COX10: variants seen among roughly 807,000 people sequenced by gnomAD.
COX10 encodes cytochrome c oxidase assembly factor heme A:farnesyltransferase COX10, also known as protoheme IX farnesyltransferase, mitochondrial.
COX10 carries 27 observed loss-of-function variants against 37.3 expected under a neutral mutation model. That is an observed-to-expected ratio of 0.72 (90% CI 0.53 to 1.00). COX10 has a LOEUF of 1.00. COX10 is among the 50% of genes least tolerant of loss of function. The pLI is 0.00. For missense variants in COX10, 475 were observed against 563.2 expected (o/e 0.84, Z 1.59); for synonymous variants, 222 against 229.1 (o/e 0.97, Z 0.28).
chr17:14,160,586 T>C (rs1233609207), intron 5 of COX10, among the ~76,000 whole-genome samples: 1 of 152,228 alleles, frequency 6.6e-6, no homozygotes, highest in Non-Finnish European at 1.5e-5. Flanking sequence ...GGATTCTTTC[T>C]TCACGTTTCC....
intron 2 of COX10, among the ~76,000 whole-genome samples, chr17:14,075,807 G>A (rs1023697741): frequency 1.3e-5 from 2 of 151,560 alleles, no homozygotes; most frequent in African/African-American, 4.8e-5. Flanking sequence ...TGGCTAACAC[G>A]GTGAAACCCT....
chr17:14,141,529 C>CAAAAAA (rs71147842), intron 4 of COX10, among the ~76,000 whole-genome samples: 24 of 67,492 alleles, frequency 3.6e-4, no homozygotes, highest in South Asian at 7.0e-4. Flanking sequence ...GTCCCTGTCT[C>CAAAAAA]AAAAAAAAAA....
intron 4 of COX10, among the ~76,000 whole-genome samples, chr17:14,126,214 A>C (rs1367083890): frequency 6.6e-6 from 1 of 152,078 alleles, no homozygotes; most frequent in Non-Finnish European, 1.5e-5. Context: ...TCTTTATTTT[A>C]AAATGTATCC....
At chr17:14,196,527 T>G (rs1477003698) in intron 6 of COX10, among the ~76,000 whole-genome samples, 1 of 152,178 alleles carries the variant, frequency 6.6e-6, no homozygotes, top group Non-Finnish European at 1.5e-5. Flanking sequence ...CGTGCAAGGA[T>G]GAGCCACCTG....
Position 14,207,485 on chromosome 17 carries a change from A to G in COX10, c.*272A>G, listed in dbSNP as rs1361365353. 1 of 436,656 alleles carries G rather than the reference A, an allele frequency of 2.3e-6. No homozygotes were observed. The highest frequency in any genetic ancestry group is 4.1e-6 in the Non-Finnish European group (1 of 245,242). 27.0% of individuals were successfully genotyped at this position (436,656 alleles called of 1,614,324 possible). ...CATCTCTCCTCCAACCCCACCCTCT[A>G]TTCTGTTTCTTCCTCCTCACATGGG... On this transcript the variant is annotated 3_prime_UTR_variant, in exon 7 of 7. Coordinates refer to ENST00000261643, the MANE Select transcript of COX10 (RefSeq NM_001303.4).
intron 3 of COX10, among the ~76,000 whole-genome samples, chr17:14,087,819 G>A (rs1417317636): frequency 1.3e-5 from 2 of 151,844 alleles, no homozygotes; most frequent in South Asian, 2.1e-4. Flanking sequence ...CTCTGGTGCT[G>A]TGGCCTGCTG....
chr17:14,104,877 G>A (rs533032667), intron 4 of COX10, among the ~76,000 whole-genome samples: 26 of 152,168 alleles, frequency 1.7e-4, no homozygotes, highest in African/African-American at 4.3e-4. Context: ...AGTAAATTAC[G>A]TACATATTTT....
intron 5 of COX10, among the ~76,000 whole-genome samples, chr17:14,190,736 T>C (rs1049181181): frequency 2.6e-5 from 4 of 152,158 alleles, no homozygotes; most frequent in African/African-American, 9.7e-5. Context: ...GGCTCTCCTC[T>C]GGCACCCTCC....
chr17:14,201,890 C>T (rs1906551362), intron 6 of COX10, among the ~76,000 whole-genome samples: 1 of 152,234 alleles, frequency 6.6e-6, no homozygotes, highest in Non-Finnish European at 1.5e-5. Flanking sequence ...AACGCTTCCT[C>T]TTACCAGTCA....
intron 6 of COX10, among the ~76,000 whole-genome samples, chr17:14,192,561 CG>C (rs1487719945): frequency 6.6e-6 from 1 of 152,136 alleles, no homozygotes; most frequent in East Asian, 1.9e-4. Context: ...ATTCATGGGG[CG>C]GGGAGAAGGT....
intron 4 of COX10, among the ~76,000 whole-genome samples, chr17:14,103,308 C>A (rs1306817845): frequency 6.6e-6 from 1 of 151,904 alleles, no homozygotes; most frequent in Admixed American, 6.6e-5. Flanking sequence ...AATGAAAATG[C>A]GAATGAAAAG....
chr17:14,114,868 C>T (rs1427901803), intron 4 of COX10, among the ~76,000 whole-genome samples: 1 of 152,016 alleles, frequency 6.6e-6, no homozygotes, highest in South Asian at 2.1e-4. Flanking sequence ...CATAAACTTG[C>T]AAGTTAGATA....
chr17:14,152,965 A>G (rs1031246244), intron 4 of COX10, among the ~76,000 whole-genome samples: 2 of 152,176 alleles, frequency 1.3e-5, no homozygotes, highest in African/African-American at 4.8e-5. Context: ...GCTCCACTGT[A>G]GTACCTGACC....
intron 5 of COX10, among the ~76,000 whole-genome samples, chr17:14,172,385 G>C (rs1371011776): frequency 6.6e-6 from 1 of 151,966 alleles, no homozygotes; most frequent in African/African-American, 2.4e-5. Flanking sequence ...TCAACAGTGT[G>C]TAAGAGTTCC....
At chr17:14,074,506 G>A in intron 2 of COX10, 50 bp downstream of exon 2, 1 of 977,286 alleles carries the variant, frequency 1.0e-6, no homozygotes, top group Non-Finnish European at 1.6e-6. Context: ...CTTTTTCTCT[G>A]TTGAGAGAAT....
chr17:14,069,541 C>A lies in COX10; in HGVS notation c.-65C>A. On this transcript the variant is annotated 5_prime_UTR_variant, in exon 1 of 7. Coordinates refer to ENST00000261643, the MANE Select transcript of COX10 (RefSeq NM_001303.4). ...GGGGGGCGGGGAAGGAAGATGGCGG[C>A]GCCCAGCGTCCCGTGAGGAGAGAGG... The A allele has an allele frequency of 1.9e-6, 3 of 1,592,148 alleles. No homozygotes were observed. Among genetic ancestry groups the A allele is most frequent in the Non-Finnish European group, 2.6e-6 (3 of 1,162,986 alleles).
At chr17:14,116,358 A>G (rs983440198) in intron 4 of COX10, among the ~76,000 whole-genome samples, 1 of 152,124 alleles carries the variant, frequency 6.6e-6, no homozygotes, top group African/African-American at 2.4e-5. Context: ...TCTCATCAGA[A>G]ATTTCATTAC....
chr17:14,113,288 G>A (rs1916044205), intron 4 of COX10, among the ~76,000 whole-genome samples: 1 of 151,940 alleles, frequency 6.6e-6, no homozygotes, highest in Non-Finnish European at 1.5e-5. Context: ...CCTCCCTTCT[G>A]TCCTCTGTTC....
intron 4 of COX10, among the ~76,000 whole-genome samples, chr17:14,120,817 C>G (rs1461546145): frequency 6.6e-6 from 1 of 152,046 alleles, no homozygotes; most frequent in Non-Finnish European, 1.5e-5. Context: ...ATATAGTGTC[C>G]CAAGATTTGT....
Sources: allele counts gnomAD v4.1 joint callset (sites outside exome capture counted in the v4.1 genomes callset), GRCh38; gene constraint gnomAD v4.1.1; transcripts MANE v1.5; gene names NCBI Gene and HGNC (gene_info 2026-07-23, HGNC 2026-07-21).